The following LOXHD1 variants were observed in gnomAD, a reference collection of about 807,000 sequenced individuals.
The protein encoded by LOXHD1 is lipoxygenase homology domain-containing protein 1.
Under a neutral mutation model 248.2 loss-of-function variants are expected in LOXHD1, and 205 were observed. That is an observed-to-expected ratio of 0.83 (90% CI 0.74 to 0.93). The LOEUF (loss-of-function observed/expected upper bound fraction) is 0.93, where lower values mean the gene tolerates loss of function less well. Among genes scored for constraint, LOXHD1 ranks in the 40% least tolerant of loss-of-function variants. LOXHD1 has a pLI of 0.00. For synonymous variants in LOXHD1, 1,113 were observed against 1,162.8 expected (o/e 0.96, Z 0.87); for missense variants, 2,930 against 2,971.6 (o/e 0.99, Z 0.33).
At chr18:46,489,357 A>T (rs1045157160) in intron 37 of LOXHD1, among the ~76,000 whole-genome samples, 2 of 152,070 alleles carry the variant, frequency 1.3e-5, no homozygotes, top group East Asian at 3.9e-4. Flanking sequence ...AAAGCCCTTA[A>T]CTTTGGGTTC....
rs79860035 is a variant in LOXHD1, at chr18:46,493,720, A to G, written c.5879-4578T>C. Among the ~76,000 whole-genome samples the G allele has an allele frequency of 6.6e-3, 1,008 of 152,312 alleles. 3 individuals carry two copies. Among genetic ancestry groups the G allele is most frequent in the African/African-American group, 0.023 (962 of 41,566 alleles). On this transcript the variant is annotated intron_variant, in intron 37 of 40. Coordinates refer to ENST00000642948, the MANE Select transcript of LOXHD1 (RefSeq NM_001384474.1). ...AGAAACTGTGCAGTGTGAGGTCTCA[A>G]TCTTTTCAGGCAAGAGATGACAGTC...
At position 46,521,385 on chromosome 18, in the gene LOXHD1, C is replaced by T. The variant is rs2035573582; in HGVS notation, c.5086-103G>A. On this transcript the variant is annotated intron_variant, in intron 32 of 40. Coordinates refer to ENST00000642948, the MANE Select transcript of LOXHD1 (RefSeq NM_001384474.1). Reference sequence around the variant, plus strand: ...CAGTGCTTCTTCCCAGTATGCTGTGCACTTGCTGGCCCAGGTCCCTCCCAT... The same window carrying T: ...CAGTGCTTCTTCCCAGTATGCTGTGTACTTGCTGGCCCAGGTCCCTCCCAT... 5 of 1,299,392 alleles carry T rather than the reference C, an allele frequency of 3.8e-6. No individual in the cohort carries two copies. In the South Asian group the frequency reaches 6.4e-5, roughly 17 times the overall value. The allele number at this position is 1,299,392 out of a possible 1,614,324, so 80.5% of individuals were successfully genotyped here.
intron 8 of LOXHD1, among the ~76,000 whole-genome samples, chr18:46,597,022 A>G (rs2038266854): frequency 6.6e-6 from 1 of 152,230 alleles, no homozygotes. Context: ...ACAAGCAAAC[A>G]AACTGGGAAA....
chr18:46,611,949 T>C (rs1482768129), intron 5 of LOXHD1, among the ~76,000 whole-genome samples: 4 of 152,204 alleles, frequency 2.6e-5, no homozygotes, highest in Non-Finnish European at 4.4e-5. Flanking sequence ...TATTATATTA[T>C]CATTGCTGCT....
intron 37 of LOXHD1, among the ~76,000 whole-genome samples, chr18:46,498,286 T>C (rs1479439592): frequency 2.0e-5 from 3 of 152,180 alleles, no homozygotes; most frequent in Non-Finnish European, 4.4e-5. Context: ...GTGAGATTAA[T>C]CTTGGTCCAG....
chr18:46,610,557 G>A (rs1189139822), intron 6 of LOXHD1, among the ~76,000 whole-genome samples: 3 of 151,606 alleles, frequency 2.0e-5, no homozygotes, highest in Non-Finnish European at 4.4e-5. Flanking sequence ...AGAGAGAGAG[G>A]AAAAAAAGAG....
At chr18:46,584,222 T>C (rs1331058336) in intron 12 of LOXHD1, among the ~76,000 whole-genome samples, 1 of 151,548 alleles carries the variant, frequency 6.6e-6, no homozygotes, top group African/African-American at 2.4e-5. Context: ...TACAAGAGAC[T>C]GGGGAAAGGA....
intron 21 of LOXHD1, among the ~76,000 whole-genome samples, chr18:46,555,605 A>G (rs2037294251): frequency 1.3e-5 from 2 of 152,144 alleles, no homozygotes; most frequent in African/African-American, 4.8e-5. Context: ...TAGGGTGCCC[A>G]TTACATTCTA....
chr18:46,603,797 G>A (rs1487489831), intron 7 of LOXHD1, among the ~76,000 whole-genome samples: 1 of 152,240 alleles, frequency 6.6e-6, no homozygotes, highest in African/African-American at 2.4e-5. Flanking sequence ...ATCAGGAAGA[G>A]TTCAGATCAA....
chr18:46,569,622 G>A lies in LOXHD1; in HGVS notation c.2064C>T (p.Ile688=). Residue 688 remains isoleucine, a synonymous_variant, in exon 16 of 41, where the codon ATC becomes ATT. Transcript: ENST00000642948. ...CAGAGACATCCCCAGTCTTCAAGCT[G>A]ATGTGATAGCGAAAGTCTGAACAGC... ...SATLKNFRYH[I]SLKTGDVSGA... The A allele has an allele frequency of 1.3e-6, 2 of 1,551,082 alleles. No individual in the cohort carries two copies. The highest frequency in any genetic ancestry group is 1.7e-6 in the Non-Finnish European group (2 of 1,146,446).
At position 46,509,772 on chromosome 18, in the gene LOXHD1, C is replaced by T. The variant is rs1568115070; in HGVS notation, c.5443G>A (p.Asp1815Asn). The change falls in exon 35 of 41, where the codon GAC becomes AAC. Residue 1815 changes from aspartate (D) to asparagine (N), a missense_variant. Coordinates refer to ENST00000642948, the MANE Select transcript of LOXHD1 (RefSeq NM_001384474.1). ...CGCATCTTGGTGAATGGAGCAATGTCTAGGATCTCCATGATGAAGGTGTCG... is the reference window on the plus strand; with the variant it reads ...CGCATCTTGGTGAATGGAGCAATGTTTAGGATCTCCATGATGAAGGTGTCG... Reference protein sequence around the residue: ...QNDTFIMEILDIAPFTKMRIR... With the variant: ...QNDTFIMEILNIAPFTKMRIR... 1 of 1,546,660 alleles carries T rather than the reference C, an allele frequency of 6.5e-7. No homozygotes were observed. The highest frequency in any genetic ancestry group is 2.5e-5 in the East Asian group (1 of 40,606).
intron 37 of LOXHD1, among the ~76,000 whole-genome samples, chr18:46,501,710 T>A (rs1375749079): frequency 6.6e-6 from 1 of 152,202 alleles, no homozygotes; most frequent in Non-Finnish European, 1.5e-5. Flanking sequence ...AATGGTTCAG[T>A]GTTTGCGAAT....
At position 46,649,417 on chromosome 18, in the gene LOXHD1, G is replaced by A. The variant is rs1050164910; in HGVS notation, c.131-148C>T. On this transcript the variant is annotated intron_variant, in intron 1 of 40. Coordinates refer to ENST00000642948, the MANE Select transcript of LOXHD1 (RefSeq NM_001384474.1). Reference sequence around the variant, plus strand: ...GCATCCTGTAGGCCTCTGAGCCATGGTGAGACCCACGATATGTCCTGCTGC... The same window carrying A: ...GCATCCTGTAGGCCTCTGAGCCATGATGAGACCCACGATATGTCCTGCTGC... 4 of 642,942 alleles carry A rather than the reference G, an allele frequency of 6.2e-6. No individual in the cohort carries two copies. In the African/African-American group the frequency reaches 7.3e-5, roughly 12 times the overall value. The allele number at this position is 642,942 out of a possible 1,614,324, so 39.8% of individuals were successfully genotyped here.
intron 8 of LOXHD1, among the ~76,000 whole-genome samples, chr18:46,595,723 G>T (rs138570517): frequency 2.8e-4 from 43 of 152,258 alleles, no homozygotes; most frequent in African/African-American, 1.0e-3. Context: ...CTATACATAG[G>T]CAAAGTTGGA....
chr18:46,560,048 T>TGCCTGCCCCCCCCCCCCC, intron 19 of LOXHD1, 35 bp downstream of exon 19: 2 of 1,226,298 alleles, frequency 1.6e-6, no homozygotes, highest in Non-Finnish European at 2.3e-6. Flanking sequence ...GTCTGGCCAC[T>TGCCTGCCCCCCCCCCCCC]CCCTCCCCAC....
intron 17 of LOXHD1, among the ~76,000 whole-genome samples, chr18:46,564,240 GC>G (rs2144044628): frequency 6.6e-6 from 1 of 152,220 alleles, no homozygotes; most frequent in East Asian, 1.9e-4. Context: ...AAAAATTGAG[GC>G]CAGGCACGGT....
chr18:46,609,651 C>T (rs950465035), intron 6 of LOXHD1, among the ~76,000 whole-genome samples: 1 of 152,216 alleles, frequency 6.6e-6, no homozygotes, highest in Non-Finnish European at 1.5e-5. Context: ...TGTTTTCTAA[C>T]GGACCTCAGC....
chr18:46,611,640 A>T (rs569093718), intron 5 of LOXHD1, among the ~76,000 whole-genome samples: 5 of 152,186 alleles, frequency 3.3e-5, no homozygotes, highest in African/African-American at 1.2e-4. Flanking sequence ...AATTTTTTTT[A>T]AATTTTAGGT....
At chr18:46,542,588 G>T in intron 24 of LOXHD1, 139 bp downstream of exon 24, 1 of 1,061,996 alleles carries the variant, frequency 9.4e-7, no homozygotes, top group African/African-American at 1.6e-5. Context: ...GGCTCTACTG[G>T]GCTAAAGGGA....
Sources: gnomAD v4.1 joint callset for allele counts (sites outside exome capture counted in the v4.1 genomes callset) on GRCh38, gnomAD v4.1.1 for gene constraint, MANE v1.5 for transcripts, NCBI Gene and HGNC (gene_info 2026-07-23, HGNC 2026-07-21) for gene names.